The following DOCK11 variants were observed in gnomAD, a reference collection of about 807,000 sequenced individuals.
The protein encoded by DOCK11 is dedicator of cytokinesis 11.
DOCK11 carries 70 observed loss-of-function variants against 169.1 expected under a neutral mutation model. The ratio of observed to expected loss-of-function variants is 0.41; its 90% CI spans 0.34 to 0.51. The LOEUF (loss-of-function observed/expected upper bound fraction) is 0.51, where lower values mean the gene tolerates loss of function less well. Ranked by LOEUF, DOCK11 falls within the 20% of genes least tolerant of loss-of-function variation. The pLI, the probability that DOCK11 is intolerant of heterozygous loss-of-function variation, is 0.10. For synonymous variants in DOCK11, 529 were observed against 541.3 expected, an observed-to-expected ratio of 0.98 and a Z score of 0.32; for missense variants, 1,166 against 1,538.8, an observed-to-expected ratio of 0.76 and a Z score of 4.05.
intron 4 of DOCK11, 70 bp downstream of exon 4, chrX:118,543,663 T>C: frequency 1.0e-6 from 1 of 952,959 alleles, no homozygotes. Flanking sequence ...TTAAAACCAC[T>C]TGTGAGGCCG....
At chrX:118,572,764 T>G (rs1176730638) in intron 11 of DOCK11, among the ~76,000 whole-genome samples, 8 of 112,048 alleles carry the variant, frequency 7.1e-5, no homozygotes, top group African/African-American at 2.6e-4. Flanking sequence ...CTCTTTCTTT[T>G]GCCAAAATAT....
At chrX:118,564,765 C>CTTCT (rs1191120896) in intron 7 of DOCK11, among the ~76,000 whole-genome samples, 1 of 101,587 alleles carries the variant, frequency 9.8e-6, no homozygotes, top group Non-Finnish European at 2.0e-5. Flanking sequence ...TCCTTCCTTC[C>CTTCT]TTCTTTCTTT....
chrX:118,574,441 C>T (rs888606626), intron 12 of DOCK11, among the ~76,000 whole-genome samples: 6 of 111,010 alleles, frequency 5.4e-5, no homozygotes, highest in Non-Finnish European at 1.1e-4. Context: ...TGGTGATGTG[C>T]GCCTGTAATC....
intron 45 of DOCK11, among the ~76,000 whole-genome samples, chrX:118,666,639 A>G (rs1344896259): frequency 1.8e-5 from 2 of 112,293 alleles, no homozygotes; most frequent in Non-Finnish European, 3.8e-5. Context: ...AATTGTTTCC[A>G]GTTTCAGGCT....
chrX:118,643,399 T>G, intron 39 of DOCK11, 58 bp from the exon 40 acceptor site: 1 of 1,105,639 alleles, frequency 9.0e-7, no homozygotes, highest in East Asian at 3.1e-5. Context: ...CAGGTATTGG[T>G]GAAATCAGTT....
At chrX:118,649,388 ATTAAAAT>A (rs1438707467) in intron 41 of DOCK11, among the ~76,000 whole-genome samples, 1 of 112,772 alleles carries the variant, frequency 8.9e-6, no homozygotes, top group African/African-American at 3.2e-5. Context: ...GGTTAAGTAT[ATTAAAAT>A]AAGTCTCTTT....
intron 6 of DOCK11, among the ~76,000 whole-genome samples, chrX:118,550,978 A>G (rs1169408781): frequency 8.9e-6 from 1 of 111,822 alleles, no homozygotes; most frequent in South Asian, 3.7e-4. Context: ...CATTTCCCCA[A>G]TCCTGGAGGC....
chrX:118,636,026 T>C (rs941389924), intron 35 of DOCK11, among the ~76,000 whole-genome samples: 3 of 111,894 alleles, frequency 2.7e-5, no homozygotes, highest in African/African-American at 9.8e-5. Flanking sequence ...ACACCTCATC[T>C]AAAGTAAAAA....
At chrX:118,680,252 G>A (rs747151852) in intron 48 of DOCK11, among the ~76,000 whole-genome samples, 11 of 110,155 alleles carry the variant, frequency 1.0e-4, no homozygotes, top group South Asian at 3.8e-4. Flanking sequence ...TAATTTCTTC[G>A]TATGTTTCTG....
chrX:118,514,347 G>T (rs1463621357), intron 1 of DOCK11, among the ~76,000 whole-genome samples: 1 of 110,986 alleles, frequency 9.0e-6, no homozygotes, highest in African/African-American at 3.3e-5. Flanking sequence ...AAATAATTTG[G>T]CCAGAGTTTT....
At chrX:118,556,292 G>T (rs5957026) in intron 6 of DOCK11, among the ~76,000 whole-genome samples, 8 of 107,600 alleles carry the variant, frequency 7.4e-5, no homozygotes, top group African/African-American at 2.7e-4. Flanking sequence ...TGATCCACCC[G>T]CCTCGGCATC....
In DOCK11 at chrX:118,685,761, C is replaced by A; in HGVS notation, c.6176C>A (p.Thr2059Lys). 1 of 1,211,388 alleles carries A rather than the reference C, an allele frequency of 8.3e-7. No individual in the cohort carries two copies. Among genetic ancestry groups the A allele is most frequent in the Non-Finnish European group, 1.1e-6 (1 of 895,213 alleles). ...CATGTATTTTGTGCAATTAGTGGTA[C>A]ATCAAGTGACCGAGGTTATGGTTCC... is the stretch of plus-strand genomic sequence containing the variant. Reference protein sequence around the residue: ...TLHVFCAISGTSSDRGYGSPR... With the variant: ...TLHVFCAISGKSSDRGYGSPR... The change falls in exon 53 of 53, where the codon ACA (threonine) becomes AAA (lysine). Residue 2059 changes from threonine (T) to lysine (K), a missense_variant. Thr to Lys is a moderately conservative substitution (Grantham distance 78). Coordinates refer to ENST00000276202, the MANE Select transcript of DOCK11 (RefSeq NM_144658.4).
At chrX:118,630,707 A>G (rs949858075) in intron 35 of DOCK11, among the ~76,000 whole-genome samples, 1 of 112,690 alleles carries the variant, frequency 8.9e-6, no homozygotes, top group African/African-American at 3.2e-5. Context: ...TAATTTTAAC[A>G]TAATTTTGCA....
chrX:118,630,969 G>A (rs1311125512), intron 35 of DOCK11, among the ~76,000 whole-genome samples: 3 of 111,212 alleles, frequency 2.7e-5, no homozygotes, highest in Non-Finnish European at 5.7e-5. Flanking sequence ...GTCTGGTATC[G>A]CGTTCTTTGT....
At chrX:118,652,417 A>G (rs2015968320) in intron 42 of DOCK11, among the ~76,000 whole-genome samples, 1 of 111,031 alleles carries the variant, frequency 9.0e-6, no homozygotes, top group South Asian at 3.7e-4. Context: ...AACAATTGTC[A>G]CCACTTTTAA....
chrX:118,570,940 A>G (rs1210458484), intron 10 of DOCK11, among the ~76,000 whole-genome samples: 2 of 111,922 alleles, frequency 1.8e-5, no homozygotes, highest in Non-Finnish European at 3.8e-5. Context: ...CACACCCAAT[A>G]TCTTCTTCTT....
intron 6 of DOCK11, among the ~76,000 whole-genome samples, chrX:118,550,669 G>A (rs1448356724): frequency 9.0e-6 from 1 of 111,021 alleles, no homozygotes; most frequent in Non-Finnish European, 1.9e-5. Flanking sequence ...CACTGGGAGA[G>A]TCTGGTTTGT....
chrX:118,509,990 T>C (rs1313876892), intron 1 of DOCK11, among the ~76,000 whole-genome samples: 5 of 112,198 alleles, frequency 4.5e-5, no homozygotes, highest in Non-Finnish European at 3.8e-5. Context: ...CCGGCTCTCT[T>C]GCCTCCCTCT....
At chrX:118,513,143 A>G (rs758831878) in intron 1 of DOCK11, among the ~76,000 whole-genome samples, 19 of 109,005 alleles carry the variant, frequency 1.7e-4, no homozygotes, top group Non-Finnish European at 3.3e-4. Flanking sequence ...CTGTGGGCAC[A>G]CTCCTTCTCT....
Sources: gnomAD v4.1 joint callset for allele counts (sites outside exome capture counted in the v4.1 genomes callset) on GRCh38, gnomAD v4.1.1 for gene constraint, MANE v1.5 for transcripts, NCBI Gene and HGNC (gene_info 2026-07-23, HGNC 2026-07-21) for gene names.